The following SLC2A12 variants were observed in gnomAD, a reference collection of about 807,000 sequenced individuals.
The protein encoded by SLC2A12 is solute carrier family 2 member 12.
SLC2A12 carries 23 observed loss-of-function variants against 41.8 expected under a neutral mutation model. The ratio of observed to expected loss-of-function variants is 0.55; its 90% CI spans 0.40 to 0.78. The LOEUF (loss-of-function observed/expected upper bound fraction) is 0.78, where lower values mean the gene tolerates loss of function less well. SLC2A12 is among the 30% of genes least tolerant of loss of function. SLC2A12 has a pLI of 0.00. For synonymous variants in SLC2A12, 295 were observed against 285.9 expected (o/e 1.03, Z -0.32); for missense variants, 654 against 745.6 (o/e 0.88, Z 1.43).
At chr6:134,052,030 C>T (rs1339147431) in intron 1 of SLC2A12, among the ~76,000 whole-genome samples, 1 of 152,146 alleles carries the variant, frequency 6.6e-6, no homozygotes, top group Non-Finnish European at 1.5e-5. Context: ...TGCCAGTGGA[C>T]CGTTCCAATA....
At chr6:134,017,677 C>T (rs1776979979) in intron 2 of SLC2A12, among the ~76,000 whole-genome samples, 1 of 151,876 alleles carries the variant, frequency 6.6e-6, no homozygotes, top group Non-Finnish European at 1.5e-5. Context: ...ACGATGAAAC[C>T]CTGTCTCTAC....
chr6:134,032,631 TC>T (rs1582620197), intron 1 of SLC2A12, among the ~76,000 whole-genome samples: 1 of 147,362 alleles, frequency 6.8e-6, no homozygotes, highest in Non-Finnish European at 1.5e-5. Flanking sequence ...AAACTAGCTT[TC>T]CCACTTCCTT....
intron 3 of SLC2A12, among the ~76,000 whole-genome samples, chr6:134,004,226 G>A (rs756478437): frequency 6.6e-6 from 1 of 152,066 alleles, no homozygotes; most frequent in African/African-American, 2.4e-5. Context: ...GATGGAGGGT[G>A]TGTGTGTGTT....
Position 134,029,585 on chromosome 6 carries a change from T to C in SLC2A12, c.240A>G (p.Glu80=). 4 of 1,614,032 alleles carry C rather than the reference T, an allele frequency of 2.5e-6. No individual in the cohort carries two copies. The highest frequency in any genetic ancestry group is 3.4e-6 in the Non-Finnish European group (4 of 1,180,000). Residue 80 remains glutamate, a synonymous_variant, in exon 2 of 5, where the codon GAA becomes GAG. Transcript: ENST00000275230. ...CAATGACGAGGGAGCTCACAACCAT[T>C]TCCTGCTCATGGCAGCTCAGGGCTA... ...TLLALSCHEQ[E]MVVSSLVIGA... is the part of the protein sequence containing the mutation.
chr6:134,012,553 T>G (rs760263547), intron 2 of SLC2A12, among the ~76,000 whole-genome samples: 30 of 152,244 alleles, frequency 2.0e-4, no homozygotes, highest in Admixed American at 1.4e-3. Flanking sequence ...TAGCAAAGGA[T>G]GCAATTTATA....
intron 1 of SLC2A12, among the ~76,000 whole-genome samples, chr6:134,032,813 CTATA>C (rs1231792169): frequency 1.6e-5 from 2 of 121,484 alleles, no homozygotes; most frequent in Non-Finnish European, 3.6e-5. Context: ...TAATTTATAT[CTATA>C]TATATAAATT....
At chr6:134,009,764 G>T (rs1197742096) in intron 2 of SLC2A12, among the ~76,000 whole-genome samples, 1 of 152,176 alleles carries the variant, frequency 6.6e-6, no homozygotes, top group East Asian at 1.9e-4. Flanking sequence ...AGGATCACAT[G>T]AGCCCAGGAG....
In SLC2A12 at chr6:134,028,777, C is replaced by T. The variant is rs1175295798; in HGVS notation, c.1048G>A (p.Gly350Ser). ...HVGSKTFLCI[G>S]SSVMAASLVT... The stretch of plus-strand genomic sequence containing the variant: ...AACGAAGCTGCCATCACAGAGGAGC[C>T]AATGCAGAGGAATGTTTTGCTGCCG... The change falls in exon 2 of 5, where the codon GGC (glycine) becomes AGC (serine). Residue 350 changes from glycine (G) to serine (S), a missense_variant. By Grantham distance (56) the Gly-to-Ser change is moderately conservative (BLOSUM62 0). Coordinates refer to ENST00000275230, the MANE Select transcript of SLC2A12 (RefSeq NM_145176.3). 6.2e-7 allele frequency: 1 copy of T among 1,614,150 alleles called. No homozygotes were observed. The highest frequency in any genetic ancestry group is 8.5e-7 in the Non-Finnish European group (1 of 1,180,032).
At chr6:134,023,934 C>A (rs1777079264) in intron 2 of SLC2A12, among the ~76,000 whole-genome samples, 1 of 152,156 alleles carries the variant, frequency 6.6e-6, no homozygotes, top group Non-Finnish European at 1.5e-5. Flanking sequence ...AATTCCCTTC[C>A]CCTGGGTAGC....
chr6:134,015,238 T>A (rs1213526382), intron 2 of SLC2A12, among the ~76,000 whole-genome samples: 2 of 152,106 alleles, frequency 1.3e-5, no homozygotes, highest in African/African-American at 4.8e-5. Context: ...ATAACAAAAC[T>A]CTCCTGTTAA....
Position 133,990,981 on chromosome 6 carries a change from G to A in SLC2A12, c.*174C>T. 1.5e-6 allele frequency: 1 copy of A among 668,344 alleles called. No homozygotes were observed. The highest frequency in any genetic ancestry group is 2.7e-5 in the East Asian group (1 of 36,652). The allele number at this position is 668,344 out of a possible 1,614,324, so 41.4% of individuals were successfully genotyped here. On this transcript the variant is annotated 3_prime_UTR_variant, in exon 5 of 5. Transcript: ENST00000275230. ...ACCTTGTACCTCATCTACCTTTTGA[G>A]GTTCCTTCTGGGGAGGAGGGGGATT...
intron 2 of SLC2A12, among the ~76,000 whole-genome samples, chr6:134,014,526 G>A (rs756351422): frequency 7.2e-5 from 11 of 152,216 alleles, no homozygotes; most frequent in East Asian, 1.9e-4. Flanking sequence ...TCATGGCTTC[G>A]GAGATCATAT....
intron 3 of SLC2A12, among the ~76,000 whole-genome samples, chr6:134,005,292 A>T (rs1447483067): frequency 6.6e-6 from 1 of 152,070 alleles, no homozygotes; most frequent in Non-Finnish European, 1.5e-5. Context: ...CGACATAGGG[A>T]TCCTCAAATT....
chr6:133,996,568 A>G (rs1455286971), intron 4 of SLC2A12, among the ~76,000 whole-genome samples: 1 of 152,242 alleles, frequency 6.6e-6, no homozygotes, highest in Non-Finnish European at 1.5e-5. Context: ...AATGTGTAGT[A>G]TCATGTTTGA....
intron 1 of SLC2A12, among the ~76,000 whole-genome samples, chr6:134,048,975 G>C (rs528697422): frequency 1.3e-5 from 2 of 152,142 alleles, no homozygotes; most frequent in Non-Finnish European, 2.9e-5. Flanking sequence ...CAGGCCTGAC[G>C]AAATTCCAGG....
At chr6:134,011,984 G>A (rs1173543287) in intron 2 of SLC2A12, among the ~76,000 whole-genome samples, 2 of 152,064 alleles carry the variant, frequency 1.3e-5, no homozygotes, top group African/African-American at 4.8e-5. Context: ...GGAAGTTGCA[G>A]TGAGCCGAGA....
At chr6:134,007,825 C>CT (rs1270154165) in intron 2 of SLC2A12, among the ~76,000 whole-genome samples, 2 of 152,174 alleles carry the variant, frequency 1.3e-5, no homozygotes, top group Non-Finnish European at 2.9e-5. Context: ...TACGAAACCT[C>CT]TTTTATCAAA....
At chr6:134,007,033 C>G (rs1450777842) in intron 2 of SLC2A12, 99 bp from the exon 3 acceptor site, 1 of 1,521,306 alleles carries the variant, frequency 6.6e-7, no homozygotes, top group Admixed American at 2.0e-5. Flanking sequence ...CTCATCCTGC[C>G]GGGATTTGTG....
chr6:134,028,772 G>A lies in SLC2A12; in HGVS notation c.1053C>T (p.Ser351=). The part of the protein sequence containing the change: ...VGSKTFLCIG[S]SVMAASLVTM... ...TCACCAACGAAGCTGCCATCACAGAGGAGCCAATGCAGAGGAATGTTTTGC... is the reference window on the plus strand; with the variant it reads ...TCACCAACGAAGCTGCCATCACAGAAGAGCCAATGCAGAGGAATGTTTTGC... The change falls in exon 2 of 5, where the codon TCC becomes TCT. Residue 351 remains serine (S), a synonymous_variant. Transcript: ENST00000275230. 1.9e-6 allele frequency: 3 copies of A among 1,614,206 alleles called. No homozygotes were observed. The highest frequency in any genetic ancestry group is 1.7e-5 in the Admixed American group (1 of 60,030).
Sources: gnomAD v4.1 joint callset for allele counts (sites outside exome capture counted in the v4.1 genomes callset) on GRCh38, gnomAD v4.1.1 for gene constraint, MANE v1.5 for transcripts, NCBI Gene and HGNC (gene_info 2026-07-23, HGNC 2026-07-21) for gene names.